DPF3: variants seen among roughly 807,000 people sequenced by gnomAD.
DPF3 encodes the protein double PHD fingers 3, also known as zinc finger protein DPF3.
Under a neutral mutation model 56.8 loss-of-function variants are expected in DPF3, and 18 were observed. The ratio of observed to expected loss-of-function variants is 0.32; its 90% CI spans 0.22 to 0.47. The LOEUF (loss-of-function observed/expected upper bound fraction) is 0.47, where lower values mean the gene tolerates loss of function less well. Among genes scored for constraint, DPF3 ranks in the 20% least tolerant of loss-of-function variants. DPF3 has a pLI of 1.00. For synonymous variants in DPF3, 188 were observed against 180.2 expected (o/e 1.04, Z -0.35); for missense variants, 403 against 488.8 (o/e 0.82, Z 1.65).
chr14:72,867,255 T>C (rs1885711786), intron 1 of DPF3, among the ~76,000 whole-genome samples: 1 of 152,102 alleles, frequency 6.6e-6, no homozygotes, highest in South Asian at 2.1e-4. Context: ...AGCACATCTA[T>C]GATGAGTAAG....
chr14:72,683,670 G>A lies in DPF3; in HGVS notation c.743-9302C>T, dbSNP rs149605151. On this transcript the variant is annotated intron_variant, in intron 7 of 10. Coordinates refer to ENST00000556509, the MANE Select transcript of DPF3 (RefSeq NM_001280542.3). ...CAACCGCGCACCTGAGGGGAGGTGA[G>A]TCGGAGAGGTGGACACGCAGGGCCT... Among the ~76,000 whole-genome samples, 522 of 152,286 alleles carry A rather than the reference G, an allele frequency of 3.4e-3. 1 individual carries two copies. Among genetic ancestry groups the A allele is most frequent in the Admixed American group, 6.7e-3 (103 of 15,312 alleles).
intron 8 of DPF3, among the ~76,000 whole-genome samples, chr14:72,634,304 G>A (rs992681509): frequency 1.3e-5 from 2 of 152,064 alleles, no homozygotes; most frequent in Non-Finnish European, 2.9e-5. Flanking sequence ...TTGCTCCTGC[G>A]CCTTTCTCCA....
intron 1 of DPF3, among the ~76,000 whole-genome samples, chr14:72,835,837 T>C (rs1216179560): frequency 6.6e-6 from 1 of 152,154 alleles, no homozygotes; most frequent in African/African-American, 2.4e-5. Flanking sequence ...CACCTGGGCA[T>C]AGTTACCCCA....
chr14:72,718,769 C>CTCTTTTTTTTTTTTT (rs1172947236), intron 5 of DPF3, among the ~76,000 whole-genome samples: 2 of 14,748 alleles, frequency 1.4e-4, no homozygotes, highest in Non-Finnish European at 2.8e-4. Flanking sequence ...TACACCCTTG[C>CTCTTTTTTTTTTTTT]TATTTTTTTT....
At chr14:72,690,200 G>A (rs1250265965) in intron 7 of DPF3, among the ~76,000 whole-genome samples, 3 of 152,178 alleles carry the variant, frequency 2.0e-5, no homozygotes, top group Non-Finnish European at 2.9e-5. Flanking sequence ...GGCGAGGGGA[G>A]ACAGGCACAG....
intron 8 of DPF3, among the ~76,000 whole-genome samples, chr14:72,653,584 G>T (rs1304013953): frequency 6.6e-6 from 1 of 152,142 alleles, no homozygotes; most frequent in Non-Finnish European, 1.5e-5. Flanking sequence ...TCTTTTCCTC[G>T]CATCACATTC....
intron 1 of DPF3, among the ~76,000 whole-genome samples, chr14:72,789,827 T>C (rs1892355952): frequency 6.6e-6 from 1 of 151,954 alleles, no homozygotes; most frequent in Admixed American, 6.6e-5. Context: ...TGAGCCTGGG[T>C]GCACCTGGGC....
intron 1 of DPF3, among the ~76,000 whole-genome samples, chr14:72,858,230 C>T (rs1885245029): frequency 6.7e-6 from 1 of 150,296 alleles, no homozygotes; most frequent in South Asian, 2.1e-4. Context: ...ATTGCTTGAG[C>T]CTGGGAGGCG....
chr14:72,620,363 A>G (rs1385113237), intron 9 of DPF3, among the ~76,000 whole-genome samples: 2 of 152,216 alleles, frequency 1.3e-5, no homozygotes, highest in Non-Finnish European at 2.9e-5. Flanking sequence ...GACTTTATAT[A>G]TTTGAAGATC....
intron 3 of DPF3, among the ~76,000 whole-genome samples, chr14:72,738,446 G>A (rs1238486172): frequency 1.3e-5 from 2 of 151,952 alleles, no homozygotes; most frequent in Non-Finnish European, 2.9e-5. Context: ...GATGGGTTAC[G>A]GCATCCAGAT....
chr14:72,867,230 G>A (rs1002445702), intron 1 of DPF3, among the ~76,000 whole-genome samples: 23 of 151,936 alleles, frequency 1.5e-4, no homozygotes, highest in African/African-American at 4.1e-4. Context: ...TGGAAAATAC[G>A]AGCAAAAAAT....
At chr14:72,720,074 T>A (rs780771314) in intron 5 of DPF3, among the ~76,000 whole-genome samples, 6 of 151,858 alleles carry the variant, frequency 4.0e-5, no homozygotes, top group Non-Finnish European at 8.8e-5. Flanking sequence ...CCAGATGATA[T>A]TAATGCCACC....
At chr14:72,648,666 A>G in intron 8 of DPF3, among the ~76,000 whole-genome samples, 1 of 150,980 alleles carries the variant, frequency 6.6e-6, no homozygotes, top group Non-Finnish European at 1.5e-5. Context: ...TCTCCCTCCT[A>G]TTACCGGGAA....
intron 6 of DPF3, among the ~76,000 whole-genome samples, chr14:72,713,640 T>C (rs1488270972): frequency 2.0e-5 from 3 of 152,088 alleles, no homozygotes; most frequent in Non-Finnish European, 4.4e-5. Context: ...TGCCCTCCCA[T>C]AGAATGAGCA....
In DPF3 at chr14:72,611,046, G is replaced by A. The variant is rs899948694; in HGVS notation, c.*8251C>T. On this transcript the variant is annotated 3_prime_UTR_variant, in exon 11 of 11. Coordinates refer to ENST00000556509, the MANE Select transcript of DPF3 (RefSeq NM_001280542.3). Reference sequence around the variant, plus strand: ...TTGTGTCCCTGACTACCTCCACAGAGATCACCAGAATTCTCCTCACTGGGA... The same window carrying A: ...TTGTGTCCCTGACTACCTCCACAGAAATCACCAGAATTCTCCTCACTGGGA... 6.6e-6 allele frequency among the ~76,000 whole-genome samples: 1 copy of A among 152,200 alleles called. No individual in the cohort carries two copies. The highest frequency in any genetic ancestry group is 2.4e-5 in the African/African-American group (1 of 41,446).
At chr14:72,718,851 C>T (rs1234979911) in intron 5 of DPF3, among the ~76,000 whole-genome samples, 5 of 142,802 alleles carry the variant, frequency 3.5e-5, no homozygotes, top group African/African-American at 1.0e-4. Context: ...CTGCAACCTC[C>T]GCCTCCGCCT....
intron 8 of DPF3, among the ~76,000 whole-genome samples, chr14:72,652,439 CA>C (rs1210446283): frequency 6.6e-6 from 1 of 152,188 alleles, no homozygotes; most frequent in African/African-American, 2.4e-5. Context: ...ATTAGCACAG[CA>C]GAGACCAGAA....
chr14:72,773,400 C>T lies in DPF3; in HGVS notation c.33-1507G>A, dbSNP rs185309637. ...CCACCCGCCTCAGCCTCCCAAAGTG[C>T]TGGGATTACAGGCGTGAGCCACCAT... is the stretch of plus-strand genomic sequence containing the variant. On this transcript the variant is annotated intron_variant, in intron 1 of 10. Transcript: ENST00000556509. Among the ~76,000 whole-genome samples, 15 of 152,288 alleles carry T rather than the reference C, an allele frequency of 9.8e-5. 1 individual carries two copies. The East Asian group carries it at 2.9e-3, about 29-fold the overall frequency.
chr14:72,720,567 C>G (rs1889127176), intron 5 of DPF3, among the ~76,000 whole-genome samples: 1 of 152,222 alleles, frequency 6.6e-6, no homozygotes, highest in Non-Finnish European at 1.5e-5. Flanking sequence ...AGCCCCCTCA[C>G]TGTGTTCAGG....
Sources: allele counts gnomAD v4.1 joint callset (sites outside exome capture counted in the v4.1 genomes callset), GRCh38; gene constraint gnomAD v4.1.1; transcripts MANE v1.5; gene names NCBI Gene and HGNC (gene_info 2026-07-23, HGNC 2026-07-21).